Variants in ASIC2 observed in about 807,000 individuals in gnomAD.
ASIC2 encodes acid-sensing ion channel 2.
ASIC2 carries 25 observed loss-of-function variants against 57.3 expected under a neutral mutation model. The observed-to-expected ratio is 0.44, with a 90% CI of 0.32 to 0.61. The LOEUF (loss-of-function observed/expected upper bound fraction) is 0.61, where lower values mean the gene tolerates loss of function less well. Ranked by LOEUF, ASIC2 falls within the 20% of genes least tolerant of loss-of-function variation. The pLI, the probability that ASIC2 is intolerant of heterozygous loss-of-function variation, is 0.06. For synonymous variants in ASIC2, 319 were observed against 307.5 expected (o/e 1.04, Z -0.39); for missense variants, 641 against 738.1 (o/e 0.87, Z 1.52).
At chr17:33,158,616 T>C (rs570827699) in intron 1 of ASIC2, among the ~76,000 whole-genome samples, 114 of 152,358 alleles carry the variant, frequency 7.5e-4, no homozygotes, top group African/African-American at 2.6e-3. Context: ...CCAAGCCTAC[T>C]TCTCAGCAAC....
chr17:33,403,418 G>A (rs1910352847), intron 1 of ASIC2, among the ~76,000 whole-genome samples: 1 of 152,304 alleles, frequency 6.6e-6, no homozygotes, highest in East Asian at 1.9e-4. Flanking sequence ...TAGCTGGGTT[G>A]AGCTTATCTT....
At chr17:34,025,682 A>G (rs1479065218) in intron 1 of ASIC2, among the ~76,000 whole-genome samples, 1 of 152,216 alleles carries the variant, frequency 6.6e-6, no homozygotes, top group Non-Finnish European at 1.5e-5. Context: ...TTAGGATCGG[A>G]TTTTAGTTTT....
intron 1 of ASIC2, among the ~76,000 whole-genome samples, chr17:33,367,084 A>T (rs552471997): frequency 6.6e-6 from 1 of 152,234 alleles, no homozygotes; most frequent in Non-Finnish European, 1.5e-5. Context: ...GCATCTTTGT[A>T]TGGTAATGAA....
rs185601085 is a variant in ASIC2 at position 33,911,874 on chromosome 17, C to T, written c.555+244104G>A. On this transcript the variant is annotated intron_variant, in intron 1 of 9. Transcript: ENST00000359872. ...GTGGTTCACAGGCCGGGTGTGGTAG[C>T]TCACACCTGTAATCCCAGCAGTTTG... Among the ~76,000 whole-genome samples the T allele has an allele frequency of 9.9e-4, 150 of 152,250 alleles. 1 individual carries two copies. The South Asian group carries it at 0.017, about 18-fold the overall frequency.
At chr17:34,140,515 A>G (rs1017208573) in intron 1 of ASIC2, among the ~76,000 whole-genome samples, 6 of 152,294 alleles carry the variant, frequency 3.9e-5, no homozygotes, top group Admixed American at 6.5e-5. Context: ...ATGAACCAAG[A>G]TTTGTTAGAG....
rs1692449082 is a variant in ASIC2 at position 33,192,391 on chromosome 17, AAACAAAACAAAAC to A, written c.709-80337_709-80325del. Among the ~76,000 whole-genome samples the A allele has an allele frequency of 6.2e-4, 6 of 9,636 alleles. No homozygotes were observed. The South Asian group carries it at 7.9e-3, about 13-fold the overall frequency. The allele number at this position is 9,636 out of a possible 152,430, so 6.3% of individuals were successfully genotyped here. A position where few individuals can be genotyped will look rare whatever the true frequency, so the allele number is the denominator to read the frequency against. ...AGAGCAAAACTCAGTCTCAAAAACAAAACAAAACAAAACAAAACAAAACAAAACAAAACAAAAC... is the reference window on the plus strand; with the variant it reads ...AGAGCAAAACTCAGTCTCAAAAACAAAAAACAAAACAAAACAAAACAAAAC... On this transcript the variant is annotated intron_variant, in intron 1 of 9. Coordinates refer to ENST00000225823, the MANE Select transcript of ASIC2 (RefSeq NM_183377.2).
At chr17:34,059,895 T>C (rs570508793) in intron 1 of ASIC2, among the ~76,000 whole-genome samples, 11 of 152,236 alleles carry the variant, frequency 7.2e-5, no homozygotes, top group South Asian at 2.1e-4. Flanking sequence ...CACCTGAAGG[T>C]TGTTCCCTAC....
intron 1 of ASIC2, among the ~76,000 whole-genome samples, chr17:33,122,747 A>G (rs1440429896): frequency 6.6e-6 from 1 of 152,186 alleles, no homozygotes; most frequent in Non-Finnish European, 1.5e-5. Flanking sequence ...CATGCTGTGC[A>G]ACAGAATACC....
At chr17:33,838,265 G>T (rs1913330228) in intron 1 of ASIC2, among the ~76,000 whole-genome samples, 1 of 152,074 alleles carries the variant, frequency 6.6e-6, no homozygotes, top group African/African-American at 2.4e-5. Flanking sequence ...AAGTAGAAGG[G>T]AACACACTAA....
chr17:33,605,283 G>A (rs1404013629), intron 1 of ASIC2, among the ~76,000 whole-genome samples: 3 of 152,368 alleles, frequency 2.0e-5, no homozygotes, highest in African/African-American at 7.2e-5. Flanking sequence ...CAGGAAGGAA[G>A]ACCCGTCTCA....
intron 1 of ASIC2, among the ~76,000 whole-genome samples, chr17:33,138,290 C>T (rs1814282319): frequency 6.6e-6 from 1 of 152,106 alleles, no homozygotes; most frequent in African/African-American, 2.4e-5. Flanking sequence ...CATGGTGTCT[C>T]AAGGGAGCCA....
intron 3 of ASIC2, among the ~76,000 whole-genome samples, chr17:33,042,297 A>G (rs2091932987): frequency 6.6e-6 from 1 of 152,216 alleles, no homozygotes; most frequent in African/African-American, 2.4e-5. Flanking sequence ...CCAGAAGGTC[A>G]AAGCAGAAAG....
At chr17:33,506,455 G>T (rs1394483090) in intron 1 of ASIC2, among the ~76,000 whole-genome samples, 10 of 151,878 alleles carry the variant, frequency 6.6e-5, no homozygotes, top group African/African-American at 2.4e-4. Context: ...AGTCATTAGG[G>T]TGTGTGAGTG....
intron 1 of ASIC2, among the ~76,000 whole-genome samples, chr17:33,929,221 G>A (rs1349375671): frequency 6.6e-6 from 1 of 152,022 alleles, no homozygotes; most frequent in Non-Finnish European, 1.5e-5. Context: ...CTGTTCCCCA[G>A]TTAGCTCGCC....
intron 1 of ASIC2, among the ~76,000 whole-genome samples, chr17:33,446,143 AC>A (rs1171317177): frequency 1.1e-4 from 16 of 152,134 alleles, no homozygotes; most frequent in African/African-American, 2.9e-4. Context: ...AACTGAACTT[AC>A]CCCAGCCCCG....
chr17:34,135,481 G>A lies in ASIC2; in HGVS notation c.555+20497C>T, dbSNP rs80319025. 8.5e-3 allele frequency among the ~76,000 whole-genome samples: 1,289 copies of A among 152,216 alleles called. 13 individuals are homozygous for A. The highest frequency in any genetic ancestry group is 0.024 in the Middle Eastern group (7 of 294). The stretch of plus-strand genomic sequence containing the variant: ...TTGGCTGGGCATTAAAATTAACCTG[G>A]TAAGCTTTTAAAGTCCTGATGCCTG... On this transcript the variant is annotated intron_variant, in intron 1 of 9. Transcript: ENST00000359872.
At chr17:33,229,414 G>C (rs1240760168) in intron 1 of ASIC2, among the ~76,000 whole-genome samples, 1 of 152,188 alleles carries the variant, frequency 6.6e-6, no homozygotes, top group Non-Finnish European at 1.5e-5. Context: ...GTAGAATCCA[G>C]GGTGACAAGT....
intron 1 of ASIC2, among the ~76,000 whole-genome samples, chr17:33,518,403 G>A (rs368695660): frequency 2.7e-3 from 414 of 152,318 alleles, no homozygotes; most frequent in African/African-American, 9.6e-3. Context: ...CAGGGGGCAA[G>A]GCCAAACTTG....
chr17:33,690,599 C>A (rs1380451822), intron 1 of ASIC2, among the ~76,000 whole-genome samples: 2 of 151,960 alleles, frequency 1.3e-5, no homozygotes, highest in Admixed American at 1.3e-4. Context: ...AGAAACAATG[C>A]GGGAGGGGAC....
Sources: gnomAD v4.1 joint callset for allele counts (sites outside exome capture counted in the v4.1 genomes callset) on GRCh38, gnomAD v4.1.1 for gene constraint, MANE v1.5 for transcripts, NCBI Gene and HGNC (gene_info 2026-07-23, HGNC 2026-07-21) for gene names.